The following SPTBN1 variants were observed in gnomAD, a reference collection of about 807,000 sequenced individuals.
SPTBN1 encodes spectrin beta, non-erythrocytic 1.
A neutral mutation model predicts 266.4 loss-of-function variants in SPTBN1; 32 were observed. The observed-to-expected ratio is 0.12, with a 90% CI of 0.09 to 0.16. The LOEUF is 0.16. Among genes scored for constraint, SPTBN1 ranks in the 10% least tolerant of loss-of-function variants. The probability of loss-of-function intolerance (pLI) is 1.00; values close to 1 mark genes in which losing one functional copy is unlikely to be tolerated. For synonymous variants in SPTBN1, 1,336 were observed against 1,162.2 expected, an observed-to-expected ratio of 1.15 and a Z score of -3.04; for missense variants, 2,296 against 3,067.1, an observed-to-expected ratio of 0.75 and a Z score of 5.94.
chr2:54,598,432 G>A (rs776031717), intron 2 of SPTBN1, among the ~76,000 whole-genome samples: 2 of 149,210 alleles, frequency 1.3e-5, no homozygotes, highest in African/African-American at 2.5e-5. Context: ...CGATGCCTGC[G>A]ATGTCTTTGC....
chr2:54,641,425 AATTTTGTC>A (rs1679549471), intron 18 of SPTBN1, among the ~76,000 whole-genome samples: 1 of 152,160 alleles, frequency 6.6e-6, no homozygotes, highest in Non-Finnish European at 1.5e-5. Flanking sequence ...TACTGGGAAA[AATTTTGTC>A]ATTAAGTTTT....
intron 1 of SPTBN1, among the ~76,000 whole-genome samples, chr2:54,464,325 G>A (rs906109312): frequency 6.6e-6 from 1 of 152,186 alleles, no homozygotes; most frequent in African/African-American, 2.4e-5. Flanking sequence ...CTGTAGGGTG[G>A]AATTCAATGT....
At chr2:54,502,919 C>T (rs193014785) in intron 1 of SPTBN1, among the ~76,000 whole-genome samples, 83 of 152,274 alleles carry the variant, frequency 5.5e-4, no homozygotes, top group Non-Finnish European at 4.9e-4. Context: ...AGAGAGCTAA[C>T]AGATCAGCTA....
At chr2:54,596,442 G>A (rs1013064565) in intron 2 of SPTBN1, among the ~76,000 whole-genome samples, 2 of 152,186 alleles carry the variant, frequency 1.3e-5, no homozygotes, top group Admixed American at 1.3e-4. Context: ...CTGGGGCTTT[G>A]TGTGTCTCTG....
intron 3 of SPTBN1, among the ~76,000 whole-genome samples, chr2:54,600,706 A>G (rs1189816415): frequency 6.9e-5 from 9 of 130,182 alleles, no homozygotes; most frequent in Non-Finnish European, 1.5e-4. Flanking sequence ...TAGTATGTTT[A>G]TTTATTGATT....
intron 3 of SPTBN1, among the ~76,000 whole-genome samples, chr2:54,600,006 TGCCGAGCCAGAA>T (rs1329180514): frequency 6.6e-6 from 1 of 152,192 alleles, no homozygotes; most frequent in Non-Finnish European, 1.5e-5. Context: ...GTGGAAGTGG[TGCCGAGCCAGAA>T]GCCAACGCCC....
At chr2:54,547,399 C>A (rs769595266) in intron 2 of SPTBN1, among the ~76,000 whole-genome samples, 3 of 151,404 alleles carry the variant, frequency 2.0e-5, no homozygotes, top group African/African-American at 7.4e-5. Context: ...CTTGCTATTG[C>A]GAATGATACT....
chr2:54,566,641 G>C (rs1673685354), intron 2 of SPTBN1, among the ~76,000 whole-genome samples: 1 of 152,022 alleles, frequency 6.6e-6, no homozygotes, highest in Admixed American at 6.6e-5. Context: ...GACCAGCCTG[G>C]TCAACGTGGT....
rs1679979899 is a variant in SPTBN1 at position 54,647,207 on chromosome 2, T to C, written c.4943T>C (p.Val1648Ala). ...EQAVEDYAET[V>A]HQLSKTSRAL... is the part of the protein sequence containing the mutation. ...GCTGTGGAGGACTATGCAGAGACCG[T>C]GCATCAGCTCTCCAAGACCAGCCGG... The change falls in exon 24 of 36, where the codon GTG (valine) becomes GCG (alanine). Residue 1648 changes from valine (V) to alanine (A), a missense_variant. Physicochemically the swap from Val to Ala is moderately conservative, Grantham distance 64. This residue lies in a region of SPTBN1 where 644 missense variants were observed against 745.3 expected (regional missense o/e 0.86). Transcript: ENST00000356805. 3.1e-6 allele frequency: 5 copies of C among 1,614,158 alleles called. No individual in the cohort carries two copies. Among genetic ancestry groups the C allele is most frequent in the Non-Finnish European group, 4.2e-6 (5 of 1,180,034 alleles).
chr2:54,586,544 G>A (rs1338464823), intron 2 of SPTBN1, among the ~76,000 whole-genome samples: 1 of 152,108 alleles, frequency 6.6e-6, no homozygotes, highest in African/African-American at 2.4e-5. Flanking sequence ...AGTCTGATTT[G>A]GAGGACTTCT....
intron 2 of SPTBN1, chr2:54,545,413 A>G (rs2104411461): frequency 6.6e-6 from 1 of 152,340 alleles, no homozygotes; most frequent in African/African-American, 2.4e-5. Context: ...GGGTATATAT[A>G]AAACGGAGTA....
At chr2:54,479,028 T>C (rs1003780253) in intron 1 of SPTBN1, among the ~76,000 whole-genome samples, 2 of 152,162 alleles carry the variant, frequency 1.3e-5, no homozygotes, top group African/African-American at 4.8e-5. Flanking sequence ...AACAAACAAC[T>C]GAGTGTCCTG....
chr2:54,473,844 TCTC>T (rs1370582822), intron 1 of SPTBN1, among the ~76,000 whole-genome samples: 1 of 152,266 alleles, frequency 6.6e-6, no homozygotes, highest in African/African-American at 2.4e-5. Context: ...GGATGTTCTG[TCTC>T]CTCGTCTGTA....
At chr2:54,660,605 CA>C in intron 32 of SPTBN1, 6 of 985,140 alleles carry the variant, frequency 6.1e-6, no homozygotes, top group Non-Finnish European at 7.2e-6. Context: ...TTGAAGATGA[CA>C]AAAAAGGGAG....
intron 1 of SPTBN1, among the ~76,000 whole-genome samples, chr2:54,512,836 T>C (rs1669927746): frequency 6.6e-6 from 1 of 152,218 alleles, no homozygotes; most frequent in Non-Finnish European, 1.5e-5. Flanking sequence ...CCATCTGTGT[T>C]GCATTTCACA....
chr2:54,576,074 A>ATTTTTTTTTTTTTTTTTT (rs1209132160), intron 2 of SPTBN1, among the ~76,000 whole-genome samples: 1,996 of 93,698 alleles, frequency 0.021, 416 homozygotes, highest in Non-Finnish European at 0.024. Context: ...TTTTTTTTTG[A>ATTTTTTTTTTTTTTTTTT]GAGACAGTCT....
At chr2:54,592,132 A>G (rs950235105) in intron 2 of SPTBN1, among the ~76,000 whole-genome samples, 1 of 152,020 alleles carries the variant, frequency 6.6e-6, no homozygotes, top group African/African-American at 2.4e-5. Flanking sequence ...ACACCACTAC[A>G]CTCTAGCTGG....
intron 1 of SPTBN1, among the ~76,000 whole-genome samples, chr2:54,517,928 G>A (rs974976073): frequency 6.8e-6 from 1 of 147,306 alleles, no homozygotes; most frequent in African/African-American, 2.6e-5. Flanking sequence ...ACAGGCATGA[G>A]CCACTGTGCC....
rs560210823 is a variant in SPTBN1, at chr2:54,646,951, T to C, written c.4867-180T>C. Among the ~76,000 whole-genome samples the C allele has an allele frequency of 6.6e-6, 1 of 152,374 alleles. No homozygotes were observed. The highest frequency in any genetic ancestry group is 1.9e-4 in the East Asian group (1 of 5,192). ...TGTTTATCTTCTGCACAGGCTTCTG[T>C]GGTCCAGTCCATATGGAAGCTCTTG... is the stretch of plus-strand genomic sequence containing the variant. On this transcript the variant is annotated intron_variant, in intron 23 of 35. Transcript: ENST00000356805. This position sits in a 1 kb window ranked among gnomAD's most constrained non-coding sequence, Gnocchi z 4.4.
Sources: allele counts gnomAD v4.1 joint callset (sites outside exome capture counted in the v4.1 genomes callset), GRCh38; gene constraint gnomAD v4.1.1; regional missense constraint gnomAD v4.1.1; non-coding constraint Gnocchi (gnomAD v3.1); transcripts MANE v1.5; gene names NCBI Gene and HGNC (gene_info 2026-07-23, HGNC 2026-07-21).